The following TSPAN5 variants were observed in gnomAD, a reference collection of about 807,000 sequenced individuals.
TSPAN5 encodes the protein tetraspanin 5, also known as tetraspanin-5.
A neutral mutation model predicts 37.1 loss-of-function variants in TSPAN5; 10 were observed. That is an observed-to-expected ratio of 0.27 (90% CI 0.17 to 0.46). The LOEUF (loss-of-function observed/expected upper bound fraction) is 0.46. TSPAN5 is among the 20% of genes least tolerant of loss of function. The pLI is 1.00. For synonymous variants in TSPAN5, 110 were observed against 118.9 expected, an observed-to-expected ratio of 0.93 and a Z score of 0.48; for missense variants, 195 against 326.6, an observed-to-expected ratio of 0.60 and a Z score of 3.11.
At chr4:98,508,836 A>G (rs966573555) in intron 1 of TSPAN5, among the ~76,000 whole-genome samples, 2 of 152,050 alleles carry the variant, frequency 1.3e-5, no homozygotes. Flanking sequence ...AGGGCTTTCC[A>G]TTTTAATTAA....
At position 98,576,763 on chromosome 4, in the gene TSPAN5, CTGTT is replaced by C. The variant is rs530926558; in HGVS notation, c.82-69039_82-69036del. Among the ~76,000 whole-genome samples, 1,235 of 152,138 alleles carry C rather than the reference CTGTT, an allele frequency of 8.1e-3. 20 individuals are homozygous for C. The highest frequency in any genetic ancestry group is 0.028 in the African/African-American group (1,151 of 41,530). On this transcript the variant is annotated intron_variant, in intron 1 of 7. Transcript: ENST00000305798. ...GCATACACCTATTTATTACTTTATT[CTGTT>C]TGTTTGTGTTGAGACAGTGTCTTGC...
intron 1 of TSPAN5, among the ~76,000 whole-genome samples, chr4:98,652,783 G>C (rs970859448): frequency 6.6e-6 from 1 of 152,198 alleles, no homozygotes; most frequent in Non-Finnish European, 1.5e-5. Context: ...TTCACCTTTT[G>C]CCAGGGACTA....
chr4:98,622,575 T>A (rs846016), intron 1 of TSPAN5, among the ~76,000 whole-genome samples: 150,616 of 152,322 alleles, frequency 0.99, 74,469 homozygotes, highest in East Asian at 1. Flanking sequence ...AATGAGATAT[T>A]GAGTTGTGCT....
At chr4:98,566,264 G>A (rs549128712) in intron 1 of TSPAN5, among the ~76,000 whole-genome samples, 2 of 146,718 alleles carry the variant, frequency 1.4e-5, no homozygotes, top group South Asian at 2.1e-4. Context: ...TGCTGATTGT[G>A]CTAAACACAA....
chr4:98,637,908 A>T (rs1239892620), intron 1 of TSPAN5, among the ~76,000 whole-genome samples: 1 of 152,168 alleles, frequency 6.6e-6, no homozygotes, highest in Non-Finnish European at 1.5e-5. Flanking sequence ...TTCATGTCCA[A>T]CAGTGCTGAA....
chr4:98,474,755 C>T lies in TSPAN5; in HGVS notation c.741+1434G>A, dbSNP rs115840551. ...GTTGCATAATCACGACTCACTGCAG[C>T]TTCAACCTTCTGGGCTCAAGCAATC... On this transcript the variant is annotated intron_variant, in intron 7 of 7. Transcript: ENST00000305798. Among the ~76,000 whole-genome samples the T allele has an allele frequency of 9.5e-3, 1,446 of 152,310 alleles. 24 individuals carry two copies. The highest frequency in any genetic ancestry group is 0.033 in the African/African-American group (1,375 of 41,572).
intron 1 of TSPAN5, among the ~76,000 whole-genome samples, chr4:98,616,087 C>T (rs929669409): frequency 6.6e-5 from 10 of 152,002 alleles, no homozygotes; most frequent in African/African-American, 2.2e-4. Flanking sequence ...TTCTACAAGG[C>T]CCTTCCTTCT....
At chr4:98,608,927 A>T (rs960923483) in intron 1 of TSPAN5, among the ~76,000 whole-genome samples, 3 of 152,194 alleles carry the variant, frequency 2.0e-5, no homozygotes, top group African/African-American at 4.8e-5. Context: ...AAACAAAACA[A>T]AACAAAACTG....
chr4:98,641,155 C>G (rs1018679400), intron 1 of TSPAN5, among the ~76,000 whole-genome samples: 10 of 152,108 alleles, frequency 6.6e-5, no homozygotes, highest in African/African-American at 2.2e-4. Context: ...TAAATATCCC[C>G]TCTTTTTATA....
chr4:98,473,119 T>C (rs1752621991), intron 7 of TSPAN5, among the ~76,000 whole-genome samples: 1 of 152,244 alleles, frequency 6.6e-6, no homozygotes, highest in Non-Finnish European at 1.5e-5. Flanking sequence ...TTGGCAATTA[T>C]GAATAATTCT....
intron 5 of TSPAN5, among the ~76,000 whole-genome samples, chr4:98,477,659 T>C (rs553622177): frequency 7.8e-6 from 1 of 128,878 alleles, no homozygotes; most frequent in Non-Finnish European, 1.6e-5. Context: ...ACTAGAGAGT[T>C]ACCTTTTTTT....
chr4:98,485,324 G>T (rs1340485641), intron 3 of TSPAN5: 1 of 152,282 alleles, frequency 6.6e-6, no homozygotes, highest in African/African-American at 2.4e-5. Flanking sequence ...GGGCTCCCCA[G>T]GTTTCTGACT....
At chr4:98,608,320 T>C (rs1387281600) in intron 1 of TSPAN5, among the ~76,000 whole-genome samples, 1 of 152,196 alleles carries the variant, frequency 6.6e-6, no homozygotes, top group African/African-American at 2.4e-5. Flanking sequence ...CAGAAAAGGA[T>C]GTGTACCCTC....
intron 2 of TSPAN5, among the ~76,000 whole-genome samples, chr4:98,503,324 G>A (rs1366060962): frequency 6.6e-6 from 1 of 152,090 alleles, no homozygotes. Flanking sequence ...TCCTCTCCAT[G>A]GTGCAGAAAA....
At chr4:98,555,567 C>T (rs1459065117) in intron 1 of TSPAN5, among the ~76,000 whole-genome samples, 1 of 151,994 alleles carries the variant, frequency 6.6e-6, no homozygotes, top group African/African-American at 2.4e-5. Context: ...GAATGGAGAC[C>T]ATGTCCATCT....
At chr4:98,601,578 A>G (rs1175759456) in intron 1 of TSPAN5, among the ~76,000 whole-genome samples, 1 of 152,204 alleles carries the variant, frequency 6.6e-6, no homozygotes, top group African/African-American at 2.4e-5. Flanking sequence ...AGAATTGAAG[A>G]CAGTTAGAGC....
At chr4:98,656,203 T>C (rs145592878) in intron 1 of TSPAN5, among the ~76,000 whole-genome samples, 8 of 152,188 alleles carry the variant, frequency 5.3e-5, no homozygotes, top group Non-Finnish European at 7.4e-5. Context: ...ACCTAATCCA[T>C]AGAAAGGGCT....
intron 1 of TSPAN5, among the ~76,000 whole-genome samples, chr4:98,546,960 C>T (rs951476627): frequency 1.1e-4 from 16 of 152,208 alleles, no homozygotes; most frequent in Non-Finnish European, 2.2e-4. Flanking sequence ...CTAATGAGGT[C>T]CATGCAGCAG....
chr4:98,489,822 C>T (rs1209506929), intron 2 of TSPAN5, among the ~76,000 whole-genome samples: 1 of 152,158 alleles, frequency 6.6e-6, no homozygotes, highest in Non-Finnish European at 1.5e-5. Context: ...ATCCGTGAGG[C>T]CAAGAACCCC....
Sources: allele counts gnomAD v4.1 joint callset (sites outside exome capture counted in the v4.1 genomes callset), GRCh38; gene constraint gnomAD v4.1.1; transcripts MANE v1.5; gene names NCBI Gene and HGNC (gene_info 2026-07-23, HGNC 2026-07-21).